COG5: variants seen among roughly 807,000 people sequenced by gnomAD.
The protein encoded by COG5 is component of oligomeric golgi complex 5.
Under a neutral mutation model 110.4 loss-of-function variants are expected in COG5, and 86 were observed. The ratio of observed to expected loss-of-function variants is 0.78; its 90% CI spans 0.65 to 0.93. COG5 has a LOEUF of 0.93. Ranked by LOEUF, COG5 falls within the 40% of genes least tolerant of loss-of-function variation. The pLI is 0.00. For synonymous variants in COG5, 360 were observed against 334.6 expected (o/e 1.08, Z -0.83); for missense variants, 1,077 against 987.0 (o/e 1.09, Z -1.22).
At chr7:107,270,934 A>G (rs1804221555) in intron 14 of COG5, among the ~76,000 whole-genome samples, 1 of 115,192 alleles carries the variant, frequency 8.7e-6, no homozygotes, top group African/African-American at 3.5e-5. Context: ...TCACTCAATT[A>G]CCCAGGCTGG....
chr7:107,453,956 T>A (rs1195528326), intron 6 of COG5, among the ~76,000 whole-genome samples: 1 of 150,176 alleles, frequency 6.7e-6, no homozygotes, highest in Non-Finnish European at 1.5e-5. Context: ...ATATGTGAAA[T>A]ATCCAAATCA....
chr7:107,232,805 C>T (rs1452816163), intron 18 of COG5, among the ~76,000 whole-genome samples: 3 of 152,120 alleles, frequency 2.0e-5, no homozygotes, highest in Admixed American at 6.6e-5. Context: ...CCATTAGCAG[C>T]GGATACAAAA....
intron 11 of COG5, 121 bp downstream of exon 11, chr7:107,324,319 C>T (rs896441711): frequency 1.5e-6 from 1 of 651,250 alleles, no homozygotes; most frequent in East Asian, 2.9e-5. Context: ...AACAATTAGC[C>T]AGGAATTTTA....
In COG5 at chr7:107,508,061, G is replaced by A. The variant is rs76120140; in HGVS notation, c.538+19176C>T. Among the ~76,000 whole-genome samples, 13 of 152,356 alleles carry A rather than the reference G, an allele frequency of 8.5e-5. No homozygotes were observed. The East Asian group carries it at 1.7e-3, about 20-fold the overall frequency. The stretch of plus-strand genomic sequence containing the variant: ...ACAGTGGGTGCAACGCACCATGCAC[G>A]AGCCGAAGCAGGGCGAGGCATTGCC... On this transcript the variant is annotated intron_variant, in intron 6 of 21. Coordinates refer to ENST00000297135, the MANE Select transcript of COG5 (RefSeq NM_006348.5).
At chr7:107,311,037 T>C (rs1489923342) in intron 11 of COG5, among the ~76,000 whole-genome samples, 1 of 152,228 alleles carries the variant, frequency 6.6e-6, no homozygotes, top group Non-Finnish European at 1.5e-5. Flanking sequence ...TTGGGTTGTG[T>C]GCAATTTTTG....
At chr7:107,498,688 G>A (rs1798433401) in intron 6 of COG5, among the ~76,000 whole-genome samples, 1 of 152,114 alleles carries the variant, frequency 6.6e-6, no homozygotes, top group Admixed American at 6.6e-5. Context: ...GTTTTACACT[G>A]TTAGTGGGAA....
chr7:107,234,106 T>C (rs1032361381), intron 18 of COG5, among the ~76,000 whole-genome samples: 1 of 152,058 alleles, frequency 6.6e-6, no homozygotes, highest in Admixed American at 6.6e-5. Flanking sequence ...CCAAGGTGAG[T>C]GTCAGGATGT....
At chr7:107,554,020 G>A (rs1803113813) in intron 3 of COG5, among the ~76,000 whole-genome samples, 1 of 152,204 alleles carries the variant, frequency 6.6e-6, no homozygotes, top group African/African-American at 2.4e-5. Flanking sequence ...CAAACACCTA[G>A]TAAGCAGTAA....
At chr7:107,408,580 T>A (rs1197039266) in intron 7 of COG5, among the ~76,000 whole-genome samples, 2 of 152,220 alleles carry the variant, frequency 1.3e-5, no homozygotes, top group Non-Finnish European at 2.9e-5. Flanking sequence ...TAAGAACTTG[T>A]TTGACATTTA....
chr7:107,292,725 C>T (rs955906442), intron 12 of COG5, among the ~76,000 whole-genome samples: 2 of 152,144 alleles, frequency 1.3e-5, no homozygotes, highest in Admixed American at 1.3e-4. Flanking sequence ...CCCAAACCTC[C>T]ATGATTTAGT....
intron 19 of COG5, among the ~76,000 whole-genome samples, chr7:107,226,425 A>G (rs1800342846): frequency 6.6e-6 from 1 of 152,246 alleles, no homozygotes; most frequent in Non-Finnish European, 1.5e-5. Context: ...GAAGAGACAG[A>G]TCTCTAACAA....
intron 8 of COG5, among the ~76,000 whole-genome samples, chr7:107,363,876 A>T (rs1351128167): frequency 6.6e-6 from 1 of 151,142 alleles, no homozygotes; most frequent in Non-Finnish European, 1.5e-5. Context: ...AATTGCTTGA[A>T]CCCAGGAGGC....
At chr7:107,512,904 G>A (rs1249972829) in intron 6 of COG5, among the ~76,000 whole-genome samples, 2 of 151,800 alleles carry the variant, frequency 1.3e-5, no homozygotes, top group Non-Finnish European at 2.9e-5. Context: ...ATTCAAGATG[G>A]ATTAAAGACT....
intron 19 of COG5, among the ~76,000 whole-genome samples, chr7:107,227,389 C>T (rs576474789): frequency 5.9e-5 from 9 of 151,706 alleles, no homozygotes; most frequent in East Asian, 5.8e-4. Context: ...AAAACTGTTA[C>T]GCCATAAGAA....
Position 107,203,333 on chromosome 7 carries a change from TAACTC to T in COG5, c.*178_*182del, listed in dbSNP as rs570136021. On this transcript the variant is annotated 3_prime_UTR_variant, in exon 22 of 22. Transcript: ENST00000297135. ...GGTCCATGGAATTGAAAGGTGGTGATAACTCAACATTTTTTATGCTAAAGTATAAG... is the reference window on the plus strand; with the variant it reads ...GGTCCATGGAATTGAAAGGTGGTGATAACATTTTTTATGCTAAAGTATAAG... 8.3e-5 allele frequency: 51 copies of T among 610,886 alleles called. No individual in the cohort carries two copies. Among genetic ancestry groups the T allele is most frequent in the East Asian group, 5.6e-4 (20 of 35,756 alleles). 37.8% of individuals were successfully genotyped at this position (610,886 alleles called of 1,614,324 possible).
intron 6 of COG5, among the ~76,000 whole-genome samples, chr7:107,476,884 T>A (rs1393847881): frequency 6.6e-6 from 1 of 151,646 alleles, no homozygotes; most frequent in Non-Finnish European, 1.5e-5. Flanking sequence ...AATACCCTAA[T>A]CCTTGGAGAA....
At chr7:107,235,219 C>CA (rs1234458348) in intron 18 of COG5, among the ~76,000 whole-genome samples, 1 of 152,186 alleles carries the variant, frequency 6.6e-6, no homozygotes, top group Admixed American at 6.5e-5. Context: ...TGACTTGATA[C>CA]AAGCAGTCTG....
At chr7:107,531,702 G>GATTTAAAC (rs1340584390) in intron 5 of COG5, among the ~76,000 whole-genome samples, 1 of 144,220 alleles carries the variant, frequency 6.9e-6, no homozygotes, top group Non-Finnish European at 1.5e-5. Flanking sequence ...TTATGAAATT[G>GATTTAAAC]ATTTAAACAT....
At chr7:107,357,130 T>G (rs1397490752) in intron 10 of COG5, among the ~76,000 whole-genome samples, 1 of 152,168 alleles carries the variant, frequency 6.6e-6, no homozygotes, top group African/African-American at 2.4e-5. Context: ...GATAATTATC[T>G]TAACTAGAAA....
Sources: allele counts gnomAD v4.1 joint callset (sites outside exome capture counted in the v4.1 genomes callset), GRCh38; gene constraint gnomAD v4.1.1; transcripts MANE v1.5; gene names NCBI Gene and HGNC (gene_info 2026-07-23, HGNC 2026-07-21).